SLC38A1: variants seen among roughly 807,000 people sequenced by gnomAD.
The protein encoded by SLC38A1 is sodium-coupled neutral amino acid symporter 1.
A neutral mutation model predicts 60.3 loss-of-function variants in SLC38A1; 18 were observed. That is an observed-to-expected ratio of 0.30 (90% CI 0.21 to 0.44). The LOEUF (loss-of-function observed/expected upper bound fraction) is 0.44, where lower values mean the gene tolerates loss of function less well. Ranked by LOEUF, SLC38A1 falls within the 20% of genes least tolerant of loss-of-function variation. The pLI, the probability that SLC38A1 is intolerant of heterozygous loss-of-function variation, is 1.00. For missense variants in SLC38A1, 448 were observed against 587.2 expected, an observed-to-expected ratio of 0.76 and a Z score of 2.45; for synonymous variants, 196 against 212.1, an observed-to-expected ratio of 0.92 and a Z score of 0.66.
At chr12:46,217,959 G>C (rs1344024243) in intron 5 of SLC38A1, among the ~76,000 whole-genome samples, 1 of 152,082 alleles carries the variant, frequency 6.6e-6, no homozygotes, top group Admixed American at 6.6e-5. Context: ...GTTTTGTCTA[G>C]AAAAATAAAT....
At chr12:46,239,917 A>T (rs914291089) in intron 2 of SLC38A1, 24 bp from the exon 3 acceptor site, 7 of 845,720 alleles carry the variant, frequency 8.3e-6, no homozygotes, top group Non-Finnish European at 1.3e-5. Flanking sequence ...AAATAAAAAA[A>T]TAACTAAACA....
At chr12:46,222,313 C>T (rs1004310194) in intron 5 of SLC38A1, among the ~76,000 whole-genome samples, 2 of 152,022 alleles carry the variant, frequency 1.3e-5, no homozygotes, top group African/African-American at 4.8e-5. Flanking sequence ...TCCACTCCAC[C>T]TCTAGACCCT....
chr12:46,246,451 G>A (rs557410616), intron 1 of SLC38A1, among the ~76,000 whole-genome samples: 15 of 152,382 alleles, frequency 9.8e-5, no homozygotes, highest in Admixed American at 3.3e-4. Flanking sequence ...ACCTGGCAGC[G>A]GAAGGGGTGT....
At chr12:46,250,385 C>T (rs1278670270) in intron 1 of SLC38A1, among the ~76,000 whole-genome samples, 2 of 152,036 alleles carry the variant, frequency 1.3e-5, no homozygotes, top group South Asian at 2.1e-4. Context: ...AATATCATAC[C>T]AAATGGGCAC....
At chr12:46,241,158 TA>T (rs1041713352) in intron 2 of SLC38A1, among the ~76,000 whole-genome samples, 8 of 152,058 alleles carry the variant, frequency 5.3e-5, no homozygotes, top group African/African-American at 1.9e-4. Context: ...TGGTTTTTTT[TA>T]AAAAAAATGT....
intron 1 of SLC38A1, among the ~76,000 whole-genome samples, chr12:46,246,031 G>T (rs571840913): frequency 6.6e-6 from 1 of 152,094 alleles, no homozygotes; most frequent in South Asian, 2.1e-4. Flanking sequence ...TCTCTGTCAC[G>T]GTCCGTTCAA....
chr12:46,208,334 C>T (rs927090550), intron 6 of SLC38A1, among the ~76,000 whole-genome samples: 2 of 152,138 alleles, frequency 1.3e-5, no homozygotes, highest in African/African-American at 4.8e-5. Flanking sequence ...CTGTTCAGTT[C>T]ATGTTTTCAA....
intron 7 of SLC38A1, 80 bp downstream of exon 7, chr12:46,207,449 G>C (rs1471482847): frequency 7.3e-7 from 1 of 1,366,340 alleles, no homozygotes; most frequent in Non-Finnish European, 1.0e-6. Flanking sequence ...ATAACTGCTT[G>C]AATTATGTTA....
chr12:46,200,369 A>T (rs55895433), intron 13 of SLC38A1, among the ~76,000 whole-genome samples: 1,598 of 151,998 alleles, frequency 0.011, 39 homozygotes, highest in African/African-American at 0.036. Flanking sequence ...TGAAATACAT[A>T]CATATATATA....
chr12:46,218,290 C>G (rs930727027), intron 5 of SLC38A1, among the ~76,000 whole-genome samples: 3 of 151,860 alleles, frequency 2.0e-5, no homozygotes, highest in Non-Finnish European at 4.4e-5. Flanking sequence ...CCCTTCTCCT[C>G]AAACCTAGAT....
intron 3 of SLC38A1, among the ~76,000 whole-genome samples, chr12:46,232,314 G>A (rs141455968): frequency 6.6e-6 from 1 of 152,304 alleles, no homozygotes; most frequent in East Asian, 1.9e-4. Flanking sequence ...GAGGTAAGGA[G>A]TCCAGAGAAG....
At position 46,223,452 on chromosome 12, in the gene SLC38A1, TCA is replaced by T. The variant is rs146387838; in HGVS notation, c.314+5699_314+5700del. On this transcript the variant is annotated intron_variant, in intron 5 of 16. Coordinates refer to ENST00000398637, the MANE Select transcript of SLC38A1 (RefSeq NM_030674.4). The stretch of plus-strand genomic sequence containing the variant: ...CTCCATCTCTCTTTCTCTCTCACAT[TCA>T]CACACACACACACACACACACACAC... 7.6e-3 allele frequency among the ~76,000 whole-genome samples: 1,110 copies of T among 145,660 alleles called. 15 individuals carry two copies. Among genetic ancestry groups the T allele is most frequent in the African/African-American group, 0.022 (868 of 40,178 alleles).
intron 1 of SLC38A1, among the ~76,000 whole-genome samples, chr12:46,245,174 A>G (rs904893768): frequency 1.3e-5 from 2 of 152,244 alleles, no homozygotes; most frequent in African/African-American, 4.8e-5. Flanking sequence ...ATCTTGCCAC[A>G]TACACTTAAT....
rs762289170 is a variant in SLC38A1, at chr12:46,229,136, G to A, written c.314+17C>T. ...GTTCAGTTTTAAAATGGAAAGTACC[G>A]GCACGTCAATACTCACAGAAAAAGT... On this transcript the variant is annotated intron_variant, in intron 5 of 16. Coordinates refer to ENST00000398637, the MANE Select transcript of SLC38A1 (RefSeq NM_030674.4). 3.6e-5 allele frequency: 53 copies of A among 1,462,164 alleles called. No homozygotes were observed. In the African/African-American group the frequency reaches 3.9e-4, roughly 11 times the overall value. The allele number at this position is 1,462,164 out of a possible 1,614,324, so 90.6% of individuals were successfully genotyped here. A position where few individuals can be genotyped will look rare whatever the true frequency, so the allele number is the denominator to read the frequency against.
In SLC38A1 at chr12:46,207,213, C is replaced by A; in HGVS notation, c.505G>T (p.Val169Leu). ...ATGGCAGAGGGTAGTTCATTTTTTA[C>A]GATGAAGAGGTAGCTCAGCATTGCT... ...TGAMLSYLFI[V>L]KNELPSAIKF... Residue 169 changes from valine to leucine, a missense_variant, in exon 8 of 17, where the codon GTA becomes TTA. Val to Leu is a conservative substitution (Grantham distance 32). Transcript: ENST00000398637. 1 of 1,612,578 alleles carries A rather than the reference C, an allele frequency of 6.2e-7. No individual in the cohort carries two copies. The highest frequency in any genetic ancestry group is 8.5e-7 in the Non-Finnish European group (1 of 1,179,246).
Position 46,197,733 on chromosome 12 carries a change from G to C in SLC38A1, c.1349C>G (p.Thr450Ser), listed in dbSNP as rs1360982245. Residue 450 changes from threonine to serine, a missense_variant, in exon 16 of 17, where the codon ACT (threonine) becomes AGT (serine). Physicochemically the swap from Thr to Ser is moderately conservative, Grantham distance 58 (BLOSUM62 1). Transcript: ENST00000398637. ...CAAGAGACATACCCAAATTCTTTGA[G>C]TTCCTTTATCTCCATCCTGGTCTGT... ...KITDQDGDKG[T>S]QRIWAALFLG... is the part of the protein sequence containing the mutation. The C allele has an allele frequency of 2.5e-6, 4 of 1,587,916 alleles. No homozygotes were observed. In the Admixed American group the frequency reaches 5.7e-5, roughly 23 times the overall value.
intron 11 of SLC38A1, among the ~76,000 whole-genome samples, chr12:46,203,846 A>G (rs1939771861): frequency 6.6e-6 from 1 of 152,232 alleles, no homozygotes. Flanking sequence ...TTCAAATCCA[A>G]GCCTGACTGA....
At chr12:46,207,097 C>T (rs1293225624) in intron 8 of SLC38A1, 58 bp downstream of exon 8, 4 of 1,156,174 alleles carry the variant, frequency 3.5e-6, no homozygotes, top group South Asian at 2.9e-5. Context: ...TTTTGATTGG[C>T]CCATATTTAA....
At chr12:46,242,499 T>C (rs1941478901) in intron 2 of SLC38A1, among the ~76,000 whole-genome samples, 1 of 152,102 alleles carries the variant, frequency 6.6e-6, no homozygotes, top group South Asian at 2.1e-4. Context: ...TGGCTGGGCA[T>C]GGTGGCTCAT....
Sources: gnomAD v4.1 joint callset for allele counts (sites outside exome capture counted in the v4.1 genomes callset) on GRCh38, gnomAD v4.1.1 for gene constraint, MANE v1.5 for transcripts, NCBI Gene and HGNC (gene_info 2026-07-23, HGNC 2026-07-21) for gene names.